The following PDE9A variants were observed in gnomAD, a reference collection of about 807,000 sequenced individuals.
The protein encoded by PDE9A is phosphodiesterase 9A.
Under a neutral mutation model 87.4 loss-of-function variants are expected in PDE9A, and 60 were observed. The observed-to-expected ratio is 0.69, with a 90% confidence interval of 0.56 to 0.85. The LOEUF (loss-of-function observed/expected upper bound fraction) is 0.85, where lower values mean the gene tolerates loss of function less well. Among genes scored for constraint, PDE9A ranks in the 40% least tolerant of loss-of-function variants. The pLI is 0.00. For synonymous variants in PDE9A, 272 were observed against 279.4 expected, an observed-to-expected ratio of 0.97 and a Z score of 0.27; for missense variants, 665 against 779.0, an observed-to-expected ratio of 0.85 and a Z score of 1.74.
At chr21:42,678,600 G>A (rs372610999) in intron 1 of PDE9A, among the ~76,000 whole-genome samples, 8 of 152,330 alleles carry the variant, frequency 5.3e-5, no homozygotes, top group East Asian at 1.9e-4. Context: ...ATTGGAATCA[G>A]CCTTTCTTTA....
chr21:42,700,265 A>G (rs1034087630), intron 4 of PDE9A, among the ~76,000 whole-genome samples: 2 of 152,176 alleles, frequency 1.3e-5, no homozygotes, highest in African/African-American at 4.8e-5. Context: ...GTGGATGGAC[A>G]TTTGGGTTGT....
In PDE9A at chr21:42,723,995, C is replaced by T. The variant is rs2050779430; in HGVS notation, c.263-7775C>T. Among the ~76,000 whole-genome samples, 1 of 152,128 alleles carries T rather than the reference C, an allele frequency of 6.6e-6. No homozygotes were observed. Among genetic ancestry groups the T allele is most frequent in the Non-Finnish European group, 1.5e-5 (1 of 68,040 alleles). On this transcript the variant is annotated intron_variant, in intron 4 of 19. Transcript: ENST00000291539. This position sits in a 1 kb window ranked among gnomAD's most constrained non-coding sequence, Gnocchi z 4.3. Reference sequence around the variant, plus strand: ...CACACATAATATCAAATTTGGCTGACACAAGGTGATTTTGCCACGAAGGTT... The same window carrying T: ...CACACATAATATCAAATTTGGCTGATACAAGGTGATTTTGCCACGAAGGTT...
intron 4 of PDE9A, among the ~76,000 whole-genome samples, chr21:42,703,875 G>A (rs1408299496): frequency 6.6e-6 from 1 of 152,200 alleles, no homozygotes; most frequent in East Asian, 1.9e-4. Context: ...GTAAAGTTTT[G>A]AGTAAAAGAA....
intron 13 of PDE9A, among the ~76,000 whole-genome samples, 197 bp from the exon 14 acceptor site, chr21:42,761,886 G>C (rs1377655865): frequency 2.2e-5 from 3 of 138,662 alleles, no homozygotes; most frequent in Non-Finnish European, 4.4e-5. Flanking sequence ...GCAGGAGCAT[G>C]GGGACGTGCA....
At chr21:42,690,653 G>A (rs2059773421) in intron 3 of PDE9A, among the ~76,000 whole-genome samples, 1 of 151,922 alleles carries the variant, frequency 6.6e-6, no homozygotes, top group Non-Finnish European at 1.5e-5. Context: ...CCACTGTTAG[G>A]TCCAGGCCTC....
chr21:42,739,764 C>T lies in PDE9A; in HGVS notation c.569-4012C>T, dbSNP rs1041873646. The stretch of plus-strand genomic sequence containing the variant: ...CAAACGCTATGCACCCATCAAAAAC[C>T]ATGAGCTGGCTTAAAACAGAGCCTT... On this transcript the variant is annotated intron_variant, in intron 7 of 19. Transcript: ENST00000291539. The surrounding 1 kb of genome is among the most constrained non-coding windows in gnomAD (Gnocchi z 4.1). 6.6e-6 allele frequency among the ~76,000 whole-genome samples: 1 copy of T among 152,050 alleles called. No individual in the cohort carries two copies. Among genetic ancestry groups the T allele is most frequent in the Non-Finnish European group, 1.5e-5 (1 of 68,016 alleles).
At chr21:42,687,846 C>G in intron 2 of PDE9A, 71 bp from the exon 3 acceptor site, 1 of 1,300,500 alleles carries the variant, frequency 7.7e-7, no homozygotes, top group Non-Finnish European at 1.1e-6. Context: ...GCTCTGGCCC[C>G]ATGTGTACAT....
intron 8 of PDE9A, 81 bp downstream of exon 8, chr21:42,743,941 T>C (rs2053579099): frequency 1.2e-6 from 1 of 835,412 alleles, no homozygotes. Flanking sequence ...GTGGGCTTTG[T>C]TTGCCTAAAA....
At chr21:42,689,371 C>T (rs1183934343) in intron 3 of PDE9A, among the ~76,000 whole-genome samples, 2 of 152,354 alleles carry the variant, frequency 1.3e-5, no homozygotes, top group East Asian at 3.9e-4. Context: ...CCAGACTCCC[C>T]GGAAGGTGCA....
chr21:42,731,706 T>C (rs1323396707), intron 4 of PDE9A, 64 bp from the exon 5 acceptor site: 16 of 1,500,654 alleles, frequency 1.1e-5, no homozygotes, highest in Non-Finnish European at 1.4e-5. Context: ...CCCCATAAAA[T>C]AGACCTGGAC....
At position 42,725,559 on chromosome 21, in the gene PDE9A, T is replaced by C. The variant is rs565526247; in HGVS notation, c.263-6211T>C. On this transcript the variant is annotated intron_variant, in intron 4 of 19. Transcript: ENST00000291539. ...CGGCCTCTGGTCTCTATTTGTATGA[T>C]GTTGTCAATTCTGTAACGTTCTACA... Among the ~76,000 whole-genome samples, 4 of 152,282 alleles carry C rather than the reference T, an allele frequency of 2.6e-5. No homozygotes were observed. The East Asian group carries it at 7.7e-4, about 29-fold the overall frequency.
intron 1 of PDE9A, among the ~76,000 whole-genome samples, chr21:42,679,905 A>C (rs3819902): frequency 0.11 from 17,476 of 152,158 alleles, 1,178 homozygotes; most frequent in East Asian, 0.33. Context: ...TTCTCACTGC[A>C]AGAAACAGAC....
At chr21:42,663,935 G>A (rs1250961459) in intron 1 of PDE9A, among the ~76,000 whole-genome samples, 2 of 152,206 alleles carry the variant, frequency 1.3e-5, no homozygotes, top group East Asian at 3.9e-4. Flanking sequence ...GGACACCCAG[G>A]ATGCTCCAGG....
chr21:42,727,787 T>C (rs2051300226), intron 4 of PDE9A, among the ~76,000 whole-genome samples: 1 of 152,194 alleles, frequency 6.6e-6, no homozygotes, highest in African/African-American at 2.4e-5. Flanking sequence ...TGTTGTTGTT[T>C]GTAGATTCAT....
chr21:42,753,962 GT>G (rs2054725082), intron 9 of PDE9A, 27 bp from the exon 10 acceptor site: 1 of 1,466,952 alleles, frequency 6.8e-7, no homozygotes, highest in African/African-American at 1.4e-5. Flanking sequence ...ACGGCGCCTG[GT>G]TAACACGGAA....
chr21:42,743,907 C>T, intron 8 of PDE9A, 47 bp downstream of exon 8: 1 of 1,107,590 alleles, frequency 9.0e-7, no homozygotes, highest in South Asian at 1.3e-5. Context: ...GGGGAGGGCT[C>T]CCCGTACCAG....
At chr21:42,688,159 T>A (rs1012404523) in intron 3 of PDE9A, among the ~76,000 whole-genome samples, 165 bp downstream of exon 3, 2 of 152,212 alleles carry the variant, frequency 1.3e-5, no homozygotes, top group African/African-American at 4.8e-5. Flanking sequence ...TGACTCGTCG[T>A]GTTCCCCTGC....
intron 4 of PDE9A, among the ~76,000 whole-genome samples, chr21:42,713,429 TG>T (rs1287291027): frequency 6.6e-6 from 1 of 152,276 alleles, no homozygotes; most frequent in African/African-American, 2.4e-5. Context: ...CCACAGCACC[TG>T]GCCGCTTTTC....
chr21:42,667,392 G>A (rs1186945434), intron 1 of PDE9A, among the ~76,000 whole-genome samples: 2 of 152,162 alleles, frequency 1.3e-5, no homozygotes, highest in African/African-American at 4.8e-5. Context: ...TTCATGGATG[G>A]GGCACAGTTT....
Sources: gnomAD v4.1 joint callset for allele counts (sites outside exome capture counted in the v4.1 genomes callset) on GRCh38, gnomAD v4.1.1 for gene constraint, Gnocchi (gnomAD v3.1) non-coding constraint, MANE v1.5 for transcripts, NCBI Gene and HGNC (gene_info 2026-07-23, HGNC 2026-07-21) for gene names.